The following ADAMTS17 variants were observed in gnomAD, a reference collection of about 807,000 sequenced individuals.
ADAMTS17 encodes the protein A disintegrin and metalloproteinase with thrombospondin motifs 17.
Under a neutral mutation model 141.5 loss-of-function variants are expected in ADAMTS17, and 113 were observed. That is an observed-to-expected ratio of 0.80 (90% CI 0.69 to 0.93). ADAMTS17 has a LOEUF of 0.93. Among genes scored for constraint, ADAMTS17 ranks in the 40% least tolerant of loss-of-function variants. The probability of loss-of-function intolerance (pLI) is 0.00; values close to 1 mark genes in which losing one functional copy is unlikely to be tolerated. For synonymous variants in ADAMTS17, 768 were observed against 630.6 expected, an observed-to-expected ratio of 1.22 and a Z score of -3.27; for missense variants, 1,659 against 1,517.9, an observed-to-expected ratio of 1.09 and a Z score of -1.54.
At chr15:100,156,201 T>C (rs115394842) in intron 8 of ADAMTS17, among the ~76,000 whole-genome samples, 271 of 152,298 alleles carry the variant, frequency 1.8e-3, no homozygotes, top group African/African-American at 6.3e-3. Flanking sequence ...ACACAGATAA[T>C]GATAAAAGAG....
At chr15:100,260,377 G>T (rs1479020088) in intron 6 of ADAMTS17, among the ~76,000 whole-genome samples, 1 of 152,010 alleles carries the variant, frequency 6.6e-6, no homozygotes, top group Non-Finnish European at 1.5e-5. Context: ...ATTTTGGGAG[G>T]CCAAGGCGGG....
chr15:100,160,061 C>CA lies in ADAMTS17; in HGVS notation c.1182-4742dup, dbSNP rs111354807. ...ACCCGTTTCTCCTGGAATGGCCCCC[C>CA]AGTAAAGAGGGTCTCATCAGCTGCA... On this transcript the variant is annotated intron_variant, in intron 8 of 21. Transcript: ENST00000268070. Among the ~76,000 whole-genome samples the CA allele has an allele frequency of 2.6e-3, 390 of 151,570 alleles. 2 individuals are homozygous for CA. The highest frequency in any genetic ancestry group is 8.9e-3 in the African/African-American group (367 of 41,364).
At chr15:100,092,097 G>C (rs1247385368) in intron 15 of ADAMTS17, among the ~76,000 whole-genome samples, 1 of 152,216 alleles carries the variant, frequency 6.6e-6, no homozygotes, top group Non-Finnish European at 1.5e-5. Flanking sequence ...TGCCAGCGAA[G>C]GCTAAATTCT....
At chr15:100,022,538 G>A (rs1311312478) in intron 18 of ADAMTS17, among the ~76,000 whole-genome samples, 4 of 152,254 alleles carry the variant, frequency 2.6e-5, no homozygotes, top group East Asian at 1.9e-4. Context: ...AGCAGCTGCC[G>A]GGCAGATGTT....
At chr15:100,221,925 G>A (rs1206041220) in intron 7 of ADAMTS17, among the ~76,000 whole-genome samples, 2 of 152,196 alleles carry the variant, frequency 1.3e-5, no homozygotes, top group East Asian at 3.9e-4. Flanking sequence ...GAGGCCGCCT[G>A]GGGTCTCTGA....
intron 14 of ADAMTS17, 151 bp downstream of exon 14, chr15:100,108,838 C>T (rs1596455690): frequency 3.7e-6 from 5 of 1,354,664 alleles, no homozygotes; most frequent in East Asian, 2.4e-5. Flanking sequence ...CCAGGCAACA[C>T]TGGCGGCAGG....
At chr15:100,298,585 C>T (rs1468230060) in intron 3 of ADAMTS17, among the ~76,000 whole-genome samples, 1 of 152,186 alleles carries the variant, frequency 6.6e-6, no homozygotes, top group Admixed American at 6.5e-5. Flanking sequence ...CCAGGGAAAG[C>T]TGGCTTCCAA....
chr15:100,150,612 T>C (rs1454910955), intron 10 of ADAMTS17, among the ~76,000 whole-genome samples: 2 of 152,160 alleles, frequency 1.3e-5, no homozygotes, highest in African/African-American at 4.8e-5. Context: ...GGGATGCAAG[T>C]GCTTGGCTCC....
At chr15:100,113,826 G>T (rs980234483) in intron 13 of ADAMTS17, among the ~76,000 whole-genome samples, 1 of 152,212 alleles carries the variant, frequency 6.6e-6, no homozygotes, top group Non-Finnish European at 1.5e-5. Context: ...AGACCTGGGG[G>T]GTTCTGCCGT....
At position 99,974,503 on chromosome 15, in the gene ADAMTS17, C is replaced by T. The variant is rs777160312; in HGVS notation, c.3187G>A (p.Glu1063Lys). Reference sequence around the variant, plus strand: ...CGCATGTCCTGGCAGAGGTTCTTTTCTCGGATGACCCGGCAATATACCGTC... The same window carrying T: ...CGCATGTCCTGGCAGAGGTTCTTTTTTCGGATGACCCGGCAATATACCGTC... ...QWTVYCRVIR[E>K]KNLCQDMRWY... The change falls in exon 22 of 22, where the codon GAA becomes AAA. Residue 1063 changes from glutamate to lysine, a missense_variant. By Grantham distance (56) the Glu-to-Lys change is moderately conservative (BLOSUM62 1). Transcript: ENST00000268070. 38 of 1,614,092 alleles carry T rather than the reference C, an allele frequency of 2.4e-5. No homozygotes were observed. Among genetic ancestry groups the T allele is most frequent in the Admixed American group, 6.7e-5 (4 of 60,010 alleles).
intron 12 of ADAMTS17, 59 bp from the exon 13 acceptor site, chr15:100,117,072 T>C: frequency 6.5e-7 from 1 of 1,537,158 alleles, no homozygotes; most frequent in South Asian, 1.2e-5. Context: ...GCAGGAGAGC[T>C]GTTTCCGTCT....
intron 7 of ADAMTS17, among the ~76,000 whole-genome samples, chr15:100,218,306 C>A (rs547539632): frequency 6.6e-6 from 1 of 152,292 alleles, no homozygotes; most frequent in African/African-American, 2.4e-5. Flanking sequence ...TAAATACATA[C>A]AATTATGGTT....
intron 15 of ADAMTS17, chr15:100,063,498 T>C (rs1269934237): frequency 7.7e-6 from 3 of 389,580 alleles, no homozygotes; most frequent in Non-Finnish European, 1.5e-5. Flanking sequence ...ACCATGGGGG[T>C]GGCTGCATGT....
chr15:100,338,234 G>C (rs77504369), intron 2 of ADAMTS17, among the ~76,000 whole-genome samples: 2 of 152,242 alleles, frequency 1.3e-5, no homozygotes, highest in African/African-American at 4.8e-5. Context: ...AAATGGAACA[G>C]GTGCTTTACT....
chr15:100,167,031 T>C (rs2039976468), intron 8 of ADAMTS17, among the ~76,000 whole-genome samples: 1 of 152,246 alleles, frequency 6.6e-6, no homozygotes, highest in Non-Finnish European at 1.5e-5. Context: ...CTGCCTGATA[T>C]TGTGGCCACT....
At chr15:99,977,274 TGAGCA>T (rs1234609926) in intron 20 of ADAMTS17, among the ~76,000 whole-genome samples, 2 of 146,436 alleles carry the variant, frequency 1.4e-5, no homozygotes, top group Non-Finnish European at 3.0e-5. Flanking sequence ...TCAACATAGT[TGAGCA>T]GAGGCCCCCA....
At chr15:99,998,654 G>C (rs1481218002) in intron 18 of ADAMTS17, among the ~76,000 whole-genome samples, 1 of 152,154 alleles carries the variant, frequency 6.6e-6, no homozygotes, top group Non-Finnish European at 1.5e-5. Context: ...CTGATAGCCT[G>C]ATGATCCGAT....
intron 20 of ADAMTS17, chr15:99,980,749 G>A (rs549557453): frequency 6.6e-5 from 10 of 152,354 alleles, no homozygotes; most frequent in East Asian, 1.9e-4. Flanking sequence ...CACCCTGTGC[G>A]TCTATTAAAA....
chr15:100,185,395 C>G (rs537162899), intron 8 of ADAMTS17, among the ~76,000 whole-genome samples: 1 of 152,200 alleles, frequency 6.6e-6, no homozygotes, highest in South Asian at 2.1e-4. Context: ...ACAGTGTGCA[C>G]TGCTCAGATC....
Sources: allele counts gnomAD v4.1 joint callset (sites outside exome capture counted in the v4.1 genomes callset), GRCh38; gene constraint gnomAD v4.1.1; transcripts MANE v1.5; gene names NCBI Gene and HGNC (gene_info 2026-07-23, HGNC 2026-07-21).